The following ZBTB7C variants were observed in gnomAD, a reference collection of about 807,000 sequenced individuals.
ZBTB7C encodes the protein zinc finger and BTB domain containing 7C.
ZBTB7C carries 8 observed loss-of-function variants against 25.7 expected under a neutral mutation model. The ratio of observed to expected loss-of-function variants is 0.31; its 90% CI spans 0.18 to 0.56. The LOEUF is 0.56. Among genes scored for constraint, ZBTB7C ranks in the 20% least tolerant of loss-of-function variants. ZBTB7C has a pLI of 0.91. For synonymous variants in ZBTB7C, 394 were observed against 369.0 expected (o/e 1.07, Z -0.78); for missense variants, 824 against 855.2 (o/e 0.96, Z 0.46).
At chr18:48,206,346 G>T (rs1464394010) in intron 2 of ZBTB7C, among the ~76,000 whole-genome samples, 2 of 152,144 alleles carry the variant, frequency 1.3e-5, no homozygotes, top group East Asian at 3.8e-4. Context: ...GGAAAGAATG[G>T]TGCTTACAAT....
At chr18:48,213,735 T>G (rs997792750) in intron 2 of ZBTB7C, among the ~76,000 whole-genome samples, 2 of 152,196 alleles carry the variant, frequency 1.3e-5, no homozygotes, top group Non-Finnish European at 2.9e-5. Flanking sequence ...CTGACCCCAA[T>G]GCAGAGGCTC....
chr18:48,322,508 C>A (rs1051105821), intron 2 of ZBTB7C, among the ~76,000 whole-genome samples: 3 of 152,186 alleles, frequency 2.0e-5, no homozygotes, highest in African/African-American at 7.2e-5. Flanking sequence ...CAGCGGGTGG[C>A]CAGTTCAGAA....
chr18:48,305,240 C>T (rs112883408), intron 2 of ZBTB7C, among the ~76,000 whole-genome samples: 2,019 of 152,276 alleles, frequency 0.013, 45 homozygotes, highest in African/African-American at 0.045. Flanking sequence ...TAATTATCTG[C>T]GTGGCTGTTG....
intron 3 of ZBTB7C, among the ~76,000 whole-genome samples, chr18:48,158,803 G>A (rs984047897): frequency 9.9e-5 from 15 of 152,156 alleles, no homozygotes; most frequent in African/African-American, 2.4e-4. Flanking sequence ...TCACCTCACC[G>A]CCCTGTCCAT....
intron 1 of ZBTB7C, among the ~76,000 whole-genome samples, chr18:48,406,431 T>C (rs1018479478): frequency 5.9e-5 from 9 of 152,180 alleles, no homozygotes; most frequent in African/African-American, 2.2e-4. Flanking sequence ...GGAAAAGTTA[T>C]AGGAATAATA....
intron 1 of ZBTB7C, among the ~76,000 whole-genome samples, chr18:48,358,856 C>T (rs1206610429): frequency 1.3e-5 from 2 of 152,172 alleles, no homozygotes; most frequent in African/African-American, 2.4e-5. Flanking sequence ...AAATGAGAGG[C>T]ATGAATTTTA....
intron 3 of ZBTB7C, among the ~76,000 whole-genome samples, chr18:48,065,096 G>T (rs1051646652): frequency 5.3e-5 from 8 of 152,206 alleles, no homozygotes; most frequent in Non-Finnish European, 8.8e-5. Flanking sequence ...AGGAAGAGGG[G>T]CCTCCTTCCA....
intron 3 of ZBTB7C, among the ~76,000 whole-genome samples, chr18:48,115,459 C>G (rs1472956962): frequency 2.0e-5 from 3 of 152,106 alleles, no homozygotes; most frequent in African/African-American, 7.2e-5. Flanking sequence ...ACCGTGGTCT[C>G]GATCTCCTGA....
At chr18:48,271,604 A>G (rs1004706101) in intron 2 of ZBTB7C, among the ~76,000 whole-genome samples, 1 of 149,072 alleles carries the variant, frequency 6.7e-6, no homozygotes, top group African/African-American at 2.4e-5. Context: ...TATGTATCAA[A>G]TAAATATTTG....
intron 3 of ZBTB7C, among the ~76,000 whole-genome samples, chr18:48,125,149 T>G (rs1177501410): frequency 1.3e-5 from 2 of 152,214 alleles, no homozygotes; most frequent in Non-Finnish European, 2.9e-5. Context: ...TCTCATCAGC[T>G]CAGAGGACAG....
intron 1 of ZBTB7C, among the ~76,000 whole-genome samples, chr18:48,367,347 C>CATATAT (rs58569472): frequency 0.057 from 2,522 of 44,632 alleles, 51 homozygotes; most frequent in South Asian, 0.089. Context: ...TATATGTGTG[C>CATATAT]ATATATATAT....
intron 3 of ZBTB7C, among the ~76,000 whole-genome samples, chr18:48,141,441 C>T (rs988174341): frequency 3.9e-5 from 6 of 152,090 alleles, no homozygotes; most frequent in African/African-American, 9.7e-5. Context: ...TGGTATGTCA[C>T]TGGCCCCAGG....
intron 3 of ZBTB7C, among the ~76,000 whole-genome samples, chr18:48,060,254 G>A (rs755694602): frequency 1.9e-4 from 29 of 152,176 alleles, no homozygotes; most frequent in Non-Finnish European, 3.5e-4. Context: ...AGAAGGAGGA[G>A]GGAAGGAATA....
At chr18:48,327,564 G>A (rs1001275785) in intron 2 of ZBTB7C, among the ~76,000 whole-genome samples, 3 of 152,074 alleles carry the variant, frequency 2.0e-5, no homozygotes, top group African/African-American at 2.4e-5. Context: ...TCCCAGTCTC[G>A]ATCCCAGCTT....
intron 3 of ZBTB7C, among the ~76,000 whole-genome samples, chr18:48,126,233 T>A (rs890377537): frequency 5.9e-5 from 9 of 152,338 alleles, no homozygotes; most frequent in African/African-American, 1.9e-4. Context: ...TTCTTCACTA[T>A]CATTGGTAAG....
chr18:48,257,084 G>A (rs2044042181), intron 2 of ZBTB7C, among the ~76,000 whole-genome samples: 1 of 151,754 alleles, frequency 6.6e-6, no homozygotes, highest in Non-Finnish European at 1.5e-5. Flanking sequence ...GGATATAAAG[G>A]AAGACCCAAC....
intron 3 of ZBTB7C, among the ~76,000 whole-genome samples, chr18:48,089,139 G>T (rs115872549): frequency 0.017 from 2,574 of 152,248 alleles, 72 homozygotes; most frequent in African/African-American, 0.057. Context: ...ATTGCTGATT[G>T]AGTGAGGCTT....
chr18:48,404,605 A>G (rs1368985901), intron 1 of ZBTB7C, among the ~76,000 whole-genome samples: 4 of 152,188 alleles, frequency 2.6e-5, no homozygotes, highest in African/African-American at 9.7e-5. Flanking sequence ...TGATGCTCCC[A>G]ACATCCACTG....
At chr18:48,276,244 T>C (rs1029285602) in intron 2 of ZBTB7C, among the ~76,000 whole-genome samples, 8 of 151,924 alleles carry the variant, frequency 5.3e-5, no homozygotes, top group Admixed American at 2.6e-4. Flanking sequence ...TAGCTATAAC[T>C]GGGCTGCAGG....
Sources: gnomAD v4.1 joint callset for allele counts (sites outside exome capture counted in the v4.1 genomes callset) on GRCh38, gnomAD v4.1.1 for gene constraint, MANE v1.5 for transcripts, NCBI Gene and HGNC (gene_info 2026-07-23, HGNC 2026-07-21) for gene names.